Variants in ENTPD5 observed in about 807,000 individuals in gnomAD.
ENTPD5 encodes the protein ectonucleoside triphosphate diphosphohydrolase 5 (inactive).
Under a neutral mutation model 60.2 loss-of-function variants are expected in ENTPD5, and 49 were observed. That is an observed-to-expected ratio of 0.81 (90% CI 0.65 to 1.03). The LOEUF (loss-of-function observed/expected upper bound fraction) is 1.03, where lower values mean the gene tolerates loss of function less well. Ranked by LOEUF, ENTPD5 falls within the 50% of genes least tolerant of loss-of-function variation. ENTPD5 has a pLI of 0.00. For synonymous variants in ENTPD5, 187 were observed against 185.4 expected, an observed-to-expected ratio of 1.01 and a Z score of -0.07; for missense variants, 480 against 507.6, an observed-to-expected ratio of 0.95 and a Z score of 0.52.
chr14:73,958,455 C>T, downstream of ENTPD5: 1 of 1,470,294 alleles, frequency 6.8e-7, no homozygotes, highest in South Asian at 1.3e-5. Flanking sequence ...AAATCCTGTA[C>T]AGGGAGCAAT....
downstream of ENTPD5, chr14:73,959,602 A>T (rs955478182): frequency 1.1e-5 from 18 of 1,603,514 alleles, no homozygotes; most frequent in Non-Finnish European, 1.4e-5. Context: ...TTTGAAACGG[A>T]TCCTTGCCAG....
At chr14:73,987,104 G>A (rs889814117) in intron 4 of ENTPD5, 1 of 703,422 alleles carries the variant, frequency 1.4e-6, no homozygotes, top group Non-Finnish European at 2.6e-6. Context: ...TTCTCTGGTG[G>A]ACACCTAACT....
At chr14:74,014,070 T>G (rs1594965336) in intron 2 of ENTPD5, among the ~76,000 whole-genome samples, 1 of 152,222 alleles carries the variant, frequency 6.6e-6, no homozygotes, top group Non-Finnish European at 1.5e-5. Context: ...CTTAGAGAAC[T>G]TTTAGTCTGT....
chr14:73,968,423 CTCTTT>C (rs201975006), intron 15 of ENTPD5, among the ~76,000 whole-genome samples: 1,831 of 91,932 alleles, frequency 0.02, 39 homozygotes, highest in African/African-American at 0.059. Context: ...ATTACTGATA[CTCTTT>C]TTTTTTTTTT....
chr14:73,956,927 T>C (rs1369326880), downstream of ENTPD5: 1 of 152,078 alleles, frequency 6.6e-6, no homozygotes, highest in Non-Finnish European at 1.5e-5. Flanking sequence ...CATAATATAT[T>C]GGGTCATATG....
chr14:73,983,053 G>C lies in ENTPD5; in HGVS notation c.406C>G (p.Leu136Val). The change falls in exon 6 of 16, where the codon CTG becomes GTG. Residue 136 changes from leucine to valine, a missense_variant. By Grantham distance (32) the Leu-to-Val change is conservative (BLOSUM62 1). Coordinates refer to ENST00000334696, the MANE Select transcript of ENTPD5 (RefSeq NM_001249.5). The part of the protein sequence containing the change: ...VLKATAGLRL[L>V]PEHKAKALLF... Reference sequence around the variant, plus strand: ...AGAGCCTTGGCTTTGTGTTCTGGCAGTAAGCGTAGTCCTGCTGTTGCCTTT... The same window carrying C: ...AGAGCCTTGGCTTTGTGTTCTGGCACTAAGCGTAGTCCTGCTGTTGCCTTT... The C allele has an allele frequency of 6.2e-7, 1 of 1,614,150 alleles. No individual in the cohort carries two copies. Among genetic ancestry groups the C allele is most frequent in the Non-Finnish European group, 8.5e-7 (1 of 1,179,998 alleles).
In ENTPD5 at chr14:74,011,877, C is replaced by T. The variant is rs1449537223; in HGVS notation, c.-130-727G>A. Among the ~76,000 whole-genome samples the T allele has an allele frequency of 3.3e-5, 5 of 152,202 alleles. No homozygotes were observed. The East Asian group carries it at 9.7e-4, about 29-fold the overall frequency. ...GACCAAGCAGATGGGGGCTTGGTGG[C>T]TCATGCCTATACTCCCAGCACTTTG... On this transcript the variant is annotated intron_variant, in intron 2 of 15. Coordinates refer to ENST00000334696, the MANE Select transcript of ENTPD5 (RefSeq NM_001249.5).
At chr14:73,979,328 T>G (rs368497864) in intron 6 of ENTPD5, among the ~76,000 whole-genome samples, 1 of 152,080 alleles carries the variant, frequency 6.6e-6, no homozygotes, top group East Asian at 1.9e-4. Context: ...CTAACATAAC[T>G]TTCTTTTGAC....
chr14:74,004,081 G>A (rs1436904386), intron 3 of ENTPD5, among the ~76,000 whole-genome samples: 1 of 152,062 alleles, frequency 6.6e-6, no homozygotes, highest in Admixed American at 6.6e-5. Context: ...CTCCAGCATG[G>A]GTGACAGAGC....
At chr14:73,955,974 C>G, downstream of ENTPD5, 1 of 1,611,800 alleles carries the variant, frequency 6.2e-7, no homozygotes, top group Non-Finnish European at 8.5e-7. Context: ...AAGTGAACTG[C>G]TTAGGACTTA....
At chr14:73,959,497 T>C (rs747865554), downstream of ENTPD5, 2 of 1,614,166 alleles carry the variant, frequency 1.2e-6, no homozygotes, top group Non-Finnish European at 1.7e-6. Flanking sequence ...GAGGAAAAAT[T>C]TGTGGATGCC....
At chr14:73,996,108 C>T (rs1387886033) in intron 3 of ENTPD5, 1 of 984,490 alleles carries the variant, frequency 1.0e-6, no homozygotes, top group Non-Finnish European at 1.2e-6. Context: ...ATGTGCTCAC[C>T]TGCTTGTGTC....
At chr14:73,983,320 G>A (rs145581528) in intron 5 of ENTPD5, among the ~76,000 whole-genome samples, 159 bp from the exon 6 acceptor site, 407 of 152,128 alleles carry the variant, frequency 2.7e-3, no homozygotes, top group Non-Finnish European at 4.6e-3. Flanking sequence ...GAAGTGGGCC[G>A]CTTTGAAGGA....
chr14:74,015,080 C>CA (rs57058415), intron 2 of ENTPD5, among the ~76,000 whole-genome samples: 256 of 125,752 alleles, frequency 2.0e-3, no homozygotes, highest in Non-Finnish European at 2.9e-3. Context: ...GACTACCTCT[C>CA]AAAAAAAAAA....
downstream of ENTPD5, chr14:73,958,142 C>G (rs1210023492): frequency 1.9e-6 from 3 of 1,613,650 alleles, no homozygotes; most frequent in Non-Finnish European, 2.5e-6. Context: ...TTTTGACCTC[C>G]CCAGACCGAG....
intron 3 of ENTPD5, among the ~76,000 whole-genome samples, chr14:74,008,256 T>G (rs1410656710): frequency 6.6e-6 from 1 of 152,136 alleles, no homozygotes; most frequent in Non-Finnish European, 1.5e-5. Context: ...GTTCCAACAA[T>G]ATGAGCTGTC....
intron 3 of ENTPD5, among the ~76,000 whole-genome samples, chr14:73,992,857 G>C (rs1055973012): frequency 2.0e-5 from 3 of 151,638 alleles, no homozygotes; most frequent in Non-Finnish European, 4.4e-5. Flanking sequence ...ACAAAAATTA[G>C]CCGGGCATGG....
chr14:73,963,126 C>G (rs1566696471), downstream of ENTPD5: 2 of 876,496 alleles, frequency 2.3e-6, no homozygotes, highest in Non-Finnish European at 3.8e-6. Context: ...TCTTTTTCTT[C>G]TTTGCTTAAT....
rs759608684 is a variant in ENTPD5 at position 73,999,317 on chromosome 14, A to G, written c.-70-11145T>C. Among the ~76,000 whole-genome samples the G allele has an allele frequency of 5.3e-5, 8 of 150,984 alleles. No individual in the cohort carries two copies. The South Asian group carries it at 6.3e-4, about 12-fold the overall frequency. On this transcript the variant is annotated intron_variant, in intron 3 of 15. Coordinates refer to ENST00000334696, the MANE Select transcript of ENTPD5 (RefSeq NM_001249.5). ...AGCCTGGCCAACGTGGTGAAACCCC[A>G]TATCTACTAAAAATACAAAAATTAG...
Sources: gnomAD v4.1 joint callset for allele counts (sites outside exome capture counted in the v4.1 genomes callset) on GRCh38, gnomAD v4.1.1 for gene constraint, MANE v1.5 for transcripts, NCBI Gene and HGNC (gene_info 2026-07-23, HGNC 2026-07-21) for gene names.